The following TNFSF13B variants were observed in gnomAD, a reference collection of about 807,000 sequenced individuals.
TNFSF13B encodes the protein TNF superfamily member 13b.
TNFSF13B carries 8 observed loss-of-function variants against 29.1 expected under a neutral mutation model. The ratio of observed to expected loss-of-function variants is 0.27; its 90% CI spans 0.16 to 0.50. TNFSF13B has a LOEUF of 0.50. Ranked by LOEUF, TNFSF13B falls within the 20% of genes least tolerant of loss-of-function variation. The probability of loss-of-function intolerance (pLI) is 0.98; values close to 1 mark genes in which losing one functional copy is unlikely to be tolerated. For synonymous variants in TNFSF13B, 125 were observed against 130.8 expected (o/e 0.96, Z 0.30); for missense variants, 248 against 334.9 (o/e 0.74, Z 2.03).
intron 2 of TNFSF13B, among the ~76,000 whole-genome samples, chr13:108,284,365 A>T (rs1881061288): frequency 1.3e-5 from 1 of 75,696 alleles, no homozygotes; most frequent in African/African-American, 3.8e-5. Context: ...TGAATAAATA[A>T]ACAAACAAAC....
intron 2 of TNFSF13B, among the ~76,000 whole-genome samples, chr13:108,280,456 A>G (rs923050305): frequency 3.9e-5 from 6 of 152,172 alleles, no homozygotes; most frequent in Admixed American, 3.9e-4. Context: ...TCATACATTC[A>G]ACTGTTTTTC....
At chr13:108,275,271 A>T (rs1880732817) in intron 2 of TNFSF13B, among the ~76,000 whole-genome samples, 1 of 152,126 alleles carries the variant, frequency 6.6e-6, no homozygotes, top group South Asian at 2.1e-4. Context: ...CATTTTGAAC[A>T]TCACTTAACT....
At chr13:108,293,298 G>A (rs1462759048) in intron 3 of TNFSF13B, among the ~76,000 whole-genome samples, 1 of 152,008 alleles carries the variant, frequency 6.6e-6, no homozygotes, top group Non-Finnish European at 1.5e-5. Flanking sequence ...GCCTTATGCT[G>A]GACCACTATA....
chr13:108,291,642 C>CA (rs1240085704), intron 3 of TNFSF13B, among the ~76,000 whole-genome samples: 21 of 151,780 alleles, frequency 1.4e-4, no homozygotes, highest in African/African-American at 4.1e-4. Context: ...TGACTTTGCC[C>CA]AAAATTTTAC....
At chr13:108,303,817 T>A (rs1238107905) in intron 5 of TNFSF13B, among the ~76,000 whole-genome samples, 1 of 152,222 alleles carries the variant, frequency 6.6e-6, no homozygotes, top group African/African-American at 2.4e-5. Context: ...TTTTACCATT[T>A]TTATATACAT....
intron 2 of TNFSF13B, among the ~76,000 whole-genome samples, chr13:108,270,921 A>G (rs1880595109): frequency 6.6e-6 from 1 of 152,026 alleles, no homozygotes. Flanking sequence ...TTGTACTTTA[A>G]TTTTGTTTAT....
intron 3 of TNFSF13B, among the ~76,000 whole-genome samples, chr13:108,300,662 T>C (rs1166263285): frequency 6.6e-6 from 1 of 152,246 alleles, no homozygotes; most frequent in Admixed American, 6.5e-5. Context: ...TTGTAATTTG[T>C]CATTGAGGTG....
intron 5 of TNFSF13B, among the ~76,000 whole-genome samples, chr13:108,306,291 C>T (rs1247404909): frequency 2.6e-5 from 4 of 151,812 alleles, no homozygotes; most frequent in East Asian, 3.8e-4. Flanking sequence ...AATCCATAGT[C>T]GGGACTCTCA....
intron 3 of TNFSF13B, among the ~76,000 whole-genome samples, chr13:108,300,540 A>G (rs1159244211): frequency 6.6e-6 from 1 of 152,160 alleles, no homozygotes; most frequent in African/African-American, 2.4e-5. Flanking sequence ...ATTTTTCAGC[A>G]CTCCAAAAAG....
chr13:108,284,978 T>C (rs1053601714), intron 2 of TNFSF13B, among the ~76,000 whole-genome samples: 5 of 152,208 alleles, frequency 3.3e-5, no homozygotes, highest in Non-Finnish European at 7.3e-5. Flanking sequence ...TAGGATGCTT[T>C]TCCATACTTC....
chr13:108,300,019 C>A (rs1881569214), intron 3 of TNFSF13B, among the ~76,000 whole-genome samples: 1 of 151,978 alleles, frequency 6.6e-6, no homozygotes, highest in Admixed American at 6.6e-5. Context: ...TGTAAAAAAT[C>A]TAACAAATCA....
chr13:108,294,380 A>G (rs144493536), intron 3 of TNFSF13B, among the ~76,000 whole-genome samples: 496 of 152,082 alleles, frequency 3.3e-3, no homozygotes, highest in Middle Eastern at 0.017. Context: ...GGGTTTCACC[A>G]TGTTGGCCAG....
At chr13:108,292,844 T>C (rs1881360004) in intron 3 of TNFSF13B, among the ~76,000 whole-genome samples, 1 of 152,194 alleles carries the variant, frequency 6.6e-6, no homozygotes, top group Non-Finnish European at 1.5e-5. Flanking sequence ...AATATCTGAT[T>C]TGCAAGTATT....
intron 3 of TNFSF13B, among the ~76,000 whole-genome samples, chr13:108,299,726 G>A (rs1881559398): frequency 6.6e-6 from 1 of 152,144 alleles, no homozygotes; most frequent in Non-Finnish European, 1.5e-5. Context: ...GTTAAACTTA[G>A]TCTTTACCTC....
At chr13:108,271,062 T>C (rs1270311376) in intron 2 of TNFSF13B, among the ~76,000 whole-genome samples, 1 of 152,148 alleles carries the variant, frequency 6.6e-6, no homozygotes. Flanking sequence ...AATCGTCCTT[T>C]ACTGATTTCT....
chr13:108,294,694 G>A (rs377591857), intron 3 of TNFSF13B, among the ~76,000 whole-genome samples: 3 of 109,956 alleles, frequency 2.7e-5, no homozygotes, highest in African/African-American at 1.1e-4. Flanking sequence ...GTGTCTTTGT[G>A]TGGCATTGAT....
At chr13:108,306,781 C>T in intron 5 of TNFSF13B, 45 bp from the exon 6 acceptor site, 3 of 1,104,154 alleles carry the variant, frequency 2.7e-6, no homozygotes, top group South Asian at 1.4e-5. Context: ...CTTTTCTTTT[C>T]TGTTGTATAA....
In TNFSF13B at chr13:108,269,906, C is replaced by G; in HGVS notation, c.11C>G (p.Ser4Cys). 6.2e-7 allele frequency: 1 copy of G among 1,608,198 alleles called. No homozygotes were observed. Among genetic ancestry groups the G allele is most frequent in the Non-Finnish European group, 8.5e-7 (1 of 1,177,868 alleles). The change falls in exon 1 of 6, where the codon TCC (serine) becomes TGC (cysteine). Residue 4 changes from serine (S) to cysteine (C), a missense_variant. By Grantham distance (112) the Ser-to-Cys change is moderately radical (BLOSUM62 -1). Around this residue, in one of 2 missense-constraint regions of TNFSF13B, gnomAD observed 186 missense variants for 196.3 expected, o/e 0.95. Coordinates refer to ENST00000375887, the MANE Select transcript of TNFSF13B (RefSeq NM_006573.5). MDDSTEREQSRLTS... is the reference protein window; with the variant it reads MDDCTEREQSRLTS... ...AGTTCAAGTAGTGATATGGATGACT[C>G]CACAGAAAGGGAGCAGTCACGCCTT...
At chr13:108,299,477 C>A (rs886847882) in intron 3 of TNFSF13B, among the ~76,000 whole-genome samples, 1 of 115,882 alleles carries the variant, frequency 8.6e-6, no homozygotes, top group African/African-American at 3.4e-5. Flanking sequence ...GTAATTTTTC[C>A]AAAATACTTT....
Sources: allele counts gnomAD v4.1 joint callset (sites outside exome capture counted in the v4.1 genomes callset), GRCh38; gene constraint gnomAD v4.1.1; regional missense constraint gnomAD v4.1.1; transcripts MANE v1.5; gene names NCBI Gene and HGNC (gene_info 2026-07-23, HGNC 2026-07-21).